IL4R: variants seen among roughly 807,000 people sequenced by gnomAD.
The protein encoded by IL4R is interleukin-4 receptor subunit alpha.
Under a neutral mutation model 41.5 loss-of-function variants are expected in IL4R, and 17 were observed. The ratio of observed to expected loss-of-function variants is 0.41; its 90% CI spans 0.28 to 0.61. The LOEUF is 0.61. Ranked by LOEUF, IL4R falls within the 20% of genes least tolerant of loss-of-function variation. The probability of loss-of-function intolerance (pLI) is 0.31; values close to 1 mark genes in which losing one functional copy is unlikely to be tolerated. For synonymous variants in IL4R, 402 were observed against 422.9 expected (o/e 0.95, Z 0.61); for missense variants, 974 against 1,043.1 (o/e 0.93, Z 0.91).
At chr16:27,320,019 A>T (rs899192325) in intron 1 of IL4R, among the ~76,000 whole-genome samples, 1 of 152,068 alleles carries the variant, frequency 6.6e-6, no homozygotes, top group Non-Finnish European at 1.5e-5. Flanking sequence ...GGCCTGTGCT[A>T]TCACACCCAG....
chr16:27,355,720 T>C (rs1596531174), intron 7 of IL4R, 88 bp from the exon 8 acceptor site: 1 of 871,566 alleles, frequency 1.1e-6, no homozygotes, highest in Non-Finnish European at 1.9e-6. Flanking sequence ...CGGACGAGGG[T>C]CCTGACCCTG....
intron 1 of IL4R, among the ~76,000 whole-genome samples, chr16:27,326,955 G>C (rs1352393360): frequency 6.6e-6 from 1 of 152,158 alleles, no homozygotes; most frequent in Admixed American, 6.6e-5. Flanking sequence ...TTCTAGGTAG[G>C]TTACTGTCCC....
At chr16:27,340,686 C>T (rs1181760699) in intron 3 of IL4R, among the ~76,000 whole-genome samples, 1 of 152,052 alleles carries the variant, frequency 6.6e-6, no homozygotes, top group African/African-American at 2.4e-5. Flanking sequence ...CGCGCCACTC[C>T]ACTCCAGCCT....
Position 27,364,737 on chromosome 16 carries a change from A to G in IL4R, c.*907A>G, listed in dbSNP as rs2086441027. 1 of 152,200 alleles carries G rather than the reference A, an allele frequency of 6.6e-6. No individual in the cohort carries two copies. The highest frequency in any genetic ancestry group is 6.5e-5 in the Admixed American group (1 of 15,280). The allele number at this position is 152,200 out of a possible 1,614,324, so 9.4% of individuals were successfully genotyped here. Reference sequence around the variant, plus strand: ...TGTTTGCTGAGGAGAGTGGAACAGAAGGGGTGGAGTTTTGTATAAATAAAG... The same window carrying G: ...TGTTTGCTGAGGAGAGTGGAACAGAGGGGGTGGAGTTTTGTATAAATAAAG... On this transcript the variant is annotated 3_prime_UTR_variant, in exon 11 of 11. Coordinates refer to ENST00000395762, the MANE Select transcript of IL4R (RefSeq NM_000418.4).
At chr16:27,354,147 A>G (rs3024623) in intron 7 of IL4R, 10,459 of 152,326 alleles carry the variant, frequency 0.069, 427 homozygotes, top group Middle Eastern at 0.088. Flanking sequence ...TCCCAGAAAC[A>G]ACTCTTTTCA....
At chr16:27,343,584 A>G (rs2085514453) in intron 4 of IL4R, among the ~76,000 whole-genome samples, 1 of 151,994 alleles carries the variant, frequency 6.6e-6, no homozygotes, top group African/African-American at 2.4e-5. Context: ...CTGCCACCAC[A>G]CCCGGCTAAT....
At chr16:27,339,621 A>T (rs1333295490) in intron 2 of IL4R, among the ~76,000 whole-genome samples, 1 of 152,100 alleles carries the variant, frequency 6.6e-6, no homozygotes, top group Admixed American at 6.6e-5. Context: ...GGGTTGTCCA[A>T]GGAAGGCCAC....
At chr16:27,331,500 A>G (rs2085110481) in intron 2 of IL4R, among the ~76,000 whole-genome samples, 1 of 152,188 alleles carries the variant, frequency 6.6e-6, no homozygotes, top group Non-Finnish European at 1.5e-5. Flanking sequence ...GGCATGTGGT[A>G]AACTCTGTGT....
Position 27,352,498 on chromosome 16 carries a change from C to A in IL4R, c.514-42C>A, listed in dbSNP as rs144922755. On this transcript the variant is annotated intron_variant, in intron 6 of 10. Transcript: ENST00000395762. ...AACCAGGGTGGGCACTGGTGCCCCTCGCCCCCGGCTGGTGCCCTAACATCT... is the reference window on the plus strand; with the variant it reads ...AACCAGGGTGGGCACTGGTGCCCCTAGCCCCCGGCTGGTGCCCTAACATCT... 7 of 1,591,444 alleles carry A rather than the reference C, an allele frequency of 4.4e-6. No individual in the cohort carries two copies. In the East Asian group the frequency reaches 9.0e-5, roughly 20 times the overall value.
At chr16:27,342,334 G>C in intron 4 of IL4R, 75 bp downstream of exon 4, 1 of 1,574,512 alleles carries the variant, frequency 6.4e-7, no homozygotes, top group Non-Finnish European at 8.7e-7. Flanking sequence ...GCTGGGTCCA[G>C]GTGGTGCGCT....
At position 27,360,642 on chromosome 16, in the gene IL4R, A is replaced by G. The variant is rs529380642; in HGVS notation, c.850-124A>G. 68 of 1,141,644 alleles carry G rather than the reference A, an allele frequency of 6.0e-5. 1 individual carries two copies. Among genetic ancestry groups the G allele is most frequent in the South Asian group, 4.0e-4 (32 of 80,570 alleles). The allele number at this position is 1,141,644 out of a possible 1,614,324, so 70.7% of individuals were successfully genotyped here. A position where few individuals can be genotyped will look rare whatever the true frequency, so the allele number is the denominator to read the frequency against. On this transcript the variant is annotated intron_variant, in intron 9 of 10. Transcript: ENST00000395762. Reference sequence around the variant, plus strand: ...CAGGAATCTGAAGCTCAGAAAGCGTAAGTGACCTGTTGGACTTCTGATCTG... The same window carrying G: ...CAGGAATCTGAAGCTCAGAAAGCGTGAGTGACCTGTTGGACTTCTGATCTG...
chr16:27,351,528 TTC>T (rs59560629), intron 6 of IL4R, among the ~76,000 whole-genome samples: 41,681 of 121,512 alleles, frequency 0.34, 7,087 homozygotes, highest in South Asian at 0.46. Context: ...TTTTTTTTTT[TTC>T]CGAGACGAAG....
intron 2 of IL4R, among the ~76,000 whole-genome samples, chr16:27,334,966 G>A (rs2085218559): frequency 6.6e-6 from 1 of 152,102 alleles, no homozygotes; most frequent in African/African-American, 2.4e-5. Flanking sequence ...GACAGACCCT[G>A]GCTGTCAGGA....
intron 7 of IL4R, 42 bp from the exon 8 acceptor site, chr16:27,355,766 C>T: frequency 7.1e-7 from 1 of 1,413,440 alleles, no homozygotes; most frequent in Non-Finnish European, 1.0e-6. Flanking sequence ...CCAGGCTGTA[C>T]CATGGCTGAC....
chr16:27,357,893 T>G (rs1408161158), intron 8 of IL4R, among the ~76,000 whole-genome samples: 1 of 135,302 alleles, frequency 7.4e-6, no homozygotes, highest in South Asian at 2.2e-4. Context: ...ATTTCTTTCG[T>G]TTTTTTTTTT....
intron 1 of IL4R, among the ~76,000 whole-genome samples, chr16:27,328,606 GTCAGGCACTGTT>G (rs558123722): frequency 4.7e-4 from 72 of 152,292 alleles, no homozygotes; most frequent in Non-Finnish European, 9.1e-4. Flanking sequence ...CTATGCCTGT[GTCAGGCACTGTT>G]TCAGGCACTG....
intron 6 of IL4R, among the ~76,000 whole-genome samples, chr16:27,351,971 G>C (rs2085894910): frequency 6.6e-6 from 1 of 152,256 alleles, no homozygotes; most frequent in South Asian, 2.1e-4. Flanking sequence ...TTCTAGGCCA[G>C]TGAGTTTGGA....
At chr16:27,332,977 G>A (rs886392669) in intron 2 of IL4R, among the ~76,000 whole-genome samples, 7 of 151,902 alleles carry the variant, frequency 4.6e-5, no homozygotes, top group Non-Finnish European at 1.0e-4. Flanking sequence ...AAATTTTCTG[G>A]CTTTCTTCCT....
At chr16:27,336,693 AAAAGG>A (rs1382133559) in intron 2 of IL4R, among the ~76,000 whole-genome samples, 3 of 151,156 alleles carry the variant, frequency 2.0e-5, no homozygotes, top group African/African-American at 7.3e-5. Context: ...AAAAAAAAAA[AAAAGG>A]AAAGGGAGGA....
Sources: allele counts gnomAD v4.1 joint callset (sites outside exome capture counted in the v4.1 genomes callset), GRCh38; gene constraint gnomAD v4.1.1; transcripts MANE v1.5; gene names NCBI Gene and HGNC (gene_info 2026-07-23, HGNC 2026-07-21).